CTNNA1: variants seen among roughly 807,000 people sequenced by gnomAD.
CTNNA1 encodes catenin alpha-1.
Under a neutral mutation model 98.4 loss-of-function variants are expected in CTNNA1, and 37 were observed. The observed-to-expected ratio is 0.38, with a 90% CI of 0.29 to 0.49. The LOEUF (loss-of-function observed/expected upper bound fraction) is 0.49. Among genes scored for constraint, CTNNA1 ranks in the 20% least tolerant of loss-of-function variants. The pLI, the probability that CTNNA1 is intolerant of heterozygous loss-of-function variation, is 0.95. For synonymous variants in CTNNA1, 404 were observed against 413.2 expected, an observed-to-expected ratio of 0.98 and a Z score of 0.27; for missense variants, 761 against 1,147.2, an observed-to-expected ratio of 0.66 and a Z score of 4.86.
chr5:138,864,124 C>T (rs1479773866), intron 7 of CTNNA1, among the ~76,000 whole-genome samples: 1 of 152,122 alleles, frequency 6.6e-6, no homozygotes, highest in Non-Finnish European at 1.5e-5. Context: ...CACCCAGCTA[C>T]TTTTTGTATT....
chr5:138,800,603 T>C (rs1424356321), intron 3 of CTNNA1, among the ~76,000 whole-genome samples: 1 of 151,936 alleles, frequency 6.6e-6, no homozygotes, highest in Non-Finnish European at 1.5e-5. Context: ...GAGACCAGCC[T>C]GACCAACATG....
chr5:138,862,206 T>C (rs1457429455), intron 7 of CTNNA1, among the ~76,000 whole-genome samples: 2 of 152,188 alleles, frequency 1.3e-5, no homozygotes, highest in African/African-American at 4.8e-5. Context: ...TGCATTGAAC[T>C]AATGGATTAT....
At position 138,873,656 on chromosome 5, in the gene CTNNA1, G is replaced by C; in HGVS notation, c.1063-12556G>C. The C allele has an allele frequency of 6.2e-7, 1 of 1,614,038 alleles. No individual in the cohort carries two copies. The highest frequency in any genetic ancestry group is 8.5e-7 in the Non-Finnish European group (1 of 1,179,896). On this transcript the variant is annotated intron_variant, in intron 7 of 17. Transcript: ENST00000302763. This position sits in a 1 kb window ranked among gnomAD's most constrained non-coding sequence, Gnocchi z 6.1. ...GCCAGAGAGACCAACGGTTGTGAGG[G>C]ATCTCAGGGAGTTTAAGATCTTGGA... is the stretch of plus-strand genomic sequence containing the variant.
Position 138,886,440 on chromosome 5 carries a change from A to G in CTNNA1, c.1143+148A>G, listed in dbSNP as rs1374800041. The G allele has an allele frequency of 6.2e-6, 5 of 806,998 alleles. No homozygotes were observed. In the African/African-American group the frequency reaches 8.8e-5, roughly 14 times the overall value. The allele number at this position is 806,998 out of a possible 1,614,324, so 50.0% of individuals were successfully genotyped here. A position where few individuals can be genotyped will look rare whatever the true frequency, so the allele number is the denominator to read the frequency against. On this transcript the variant is annotated intron_variant, in intron 8 of 17. Transcript: ENST00000302763. ...AGTGCCTATCTTTGTTTTGTTGCTA[A>G]TATGCTTCTTAATGGCTAATCAAAT...
At chr5:138,917,347 T>A (rs1762008578) in intron 10 of CTNNA1, among the ~76,000 whole-genome samples, 2 of 152,240 alleles carry the variant, frequency 1.3e-5, no homozygotes, top group African/African-American at 4.8e-5. Flanking sequence ...GTTTTAAACA[T>A]ATATTTAATG....
At chr5:138,808,408 A>G (rs2149722375) in intron 3 of CTNNA1, among the ~76,000 whole-genome samples, 1 of 152,286 alleles carries the variant, frequency 6.6e-6, no homozygotes, top group Non-Finnish European at 1.5e-5. Context: ...GAATCCACAT[A>G]ATGATTGCCA....
intron 7 of CTNNA1, among the ~76,000 whole-genome samples, chr5:138,846,550 A>G (rs1277042314): frequency 1.3e-5 from 2 of 152,172 alleles, no homozygotes; most frequent in African/African-American, 4.8e-5. Context: ...ACATGAAGTA[A>G]AGAGTATTTT....
At chr5:138,797,238 T>C (rs7734445) in intron 3 of CTNNA1, among the ~76,000 whole-genome samples, 2 of 152,192 alleles carry the variant, frequency 1.3e-5, no homozygotes, top group Non-Finnish European at 2.9e-5. Context: ...AAACTTTTTT[T>C]ATATAAAAGT....
chr5:138,931,364 A>G (rs778381753), intron 16 of CTNNA1, among the ~76,000 whole-genome samples: 14 of 152,182 alleles, frequency 9.2e-5, no homozygotes, highest in Non-Finnish European at 1.5e-4. Flanking sequence ...TACCGCCTGG[A>G]AATTGTACAA....
chr5:138,760,349 A>G (rs1161241377), intron 1 of CTNNA1, among the ~76,000 whole-genome samples: 1 of 142,534 alleles, frequency 7.0e-6, no homozygotes, highest in African/African-American at 2.6e-5. Flanking sequence ...TGTATATGCC[A>G]TATTTTGTTT....
chr5:138,785,720 C>T (rs566304144), intron 3 of CTNNA1, among the ~76,000 whole-genome samples: 2 of 152,132 alleles, frequency 1.3e-5, no homozygotes, highest in South Asian at 2.1e-4. Flanking sequence ...GCCACCACAC[C>T]CAGCTAATTT....
chr5:138,903,648 G>A (rs917043793), intron 9 of CTNNA1, among the ~76,000 whole-genome samples: 1 of 152,180 alleles, frequency 6.6e-6, no homozygotes, highest in Non-Finnish European at 1.5e-5. Flanking sequence ...TGGCTGGACG[G>A]GAAGGTAAAG....
At chr5:138,924,445 G>C in intron 11 of CTNNA1, 65 bp from the exon 12 acceptor site, 1 of 1,523,882 alleles carries the variant, frequency 6.6e-7, no homozygotes. Flanking sequence ...ATAGATGCCA[G>C]CTTACAGTTG....
At chr5:138,880,031 C>T (rs370300542) in intron 7 of CTNNA1, among the ~76,000 whole-genome samples, 448 of 152,258 alleles carry the variant, frequency 2.9e-3, no homozygotes, top group African/African-American at 0.01. Context: ...TGGAGCAATG[C>T]GTCTAAGTTG....
At chr5:138,889,383 CACA>C in intron 9 of CTNNA1, among the ~76,000 whole-genome samples, 1 of 152,198 alleles carries the variant, frequency 6.6e-6, no homozygotes, top group East Asian at 1.9e-4. Flanking sequence ...GTGTACTTCC[CACA>C]ACATTTCTCA....
chr5:138,810,399 G>A (rs1340635438), intron 4 of CTNNA1, among the ~76,000 whole-genome samples, 195 bp downstream of exon 4: 2 of 152,192 alleles, frequency 1.3e-5, no homozygotes, highest in East Asian at 3.8e-4. Flanking sequence ...TTCTGAGCCA[G>A]TGTTGTCTTG....
intron 9 of CTNNA1, among the ~76,000 whole-genome samples, chr5:138,900,867 A>C (rs1757880173): frequency 6.6e-6 from 1 of 152,164 alleles, no homozygotes. Context: ...GCAAGGTCCA[A>C]ACTTCCACAC....
At chr5:138,797,517 G>A (rs1757101757) in intron 3 of CTNNA1, among the ~76,000 whole-genome samples, 1 of 152,138 alleles carries the variant, frequency 6.6e-6, no homozygotes, top group African/African-American at 2.4e-5. Flanking sequence ...TCGAAGATAA[G>A]CTGTGTTTCT....
chr5:138,885,528 G>A (rs908991869), intron 7 of CTNNA1, among the ~76,000 whole-genome samples: 4 of 152,192 alleles, frequency 2.6e-5, no homozygotes, highest in African/African-American at 9.6e-5. Flanking sequence ...TGCTTAGAAT[G>A]TTACCCTGGC....
Sources: allele counts gnomAD v4.1 joint callset (sites outside exome capture counted in the v4.1 genomes callset), GRCh38; gene constraint gnomAD v4.1.1; non-coding constraint Gnocchi (gnomAD v3.1); transcripts MANE v1.5; gene names NCBI Gene and HGNC (gene_info 2026-07-23, HGNC 2026-07-21).